Variants in PRKAR1A observed in about 807,000 individuals in gnomAD.
PRKAR1A encodes protein kinase cAMP-dependent type I regulatory subunit alpha, also known as cAMP-dependent protein kinase type I-alpha regulatory subunit.
In PRKAR1A, 3 loss-of-function variants were observed where a neutral mutation model predicts 52.0. The ratio of observed to expected loss-of-function variants is 0.06; its 90% CI spans 0.03 to 0.15. The LOEUF (loss-of-function observed/expected upper bound fraction) is 0.15, where lower values mean the gene tolerates loss of function less well. Ranked by LOEUF, PRKAR1A falls within the 10% of genes least tolerant of loss-of-function variation. PRKAR1A has a pLI of 1.00. For missense variants in PRKAR1A, 240 were observed against 477.4 expected (o/e 0.50, Z 4.63); for synonymous variants, 188 against 168.4 (o/e 1.12, Z -0.90).
At chr17:68,527,981 T>C in intron 8 of PRKAR1A, 81 bp downstream of exon 8, 1 of 1,262,318 alleles carries the variant, frequency 7.9e-7, no homozygotes, top group East Asian at 2.3e-5. Context: ...AAAAGCCTTC[T>C]GAAAGTATAA....
the PRKAR1A span, among the ~76,000 whole-genome samples, chr17:68,450,569 ACT>A: frequency 2.6e-5 from 4 of 152,050 alleles, no homozygotes; most frequent in African/African-American, 9.7e-5. Context: ...CCTGGAGTAG[ACT>A]CTGTTTACAA....
At chr17:68,420,158 A>G in the PRKAR1A span, 1 of 1,609,838 alleles carries the variant, frequency 6.2e-7, no homozygotes, top group South Asian at 1.1e-5. Context: ...TGTCAGGGTT[A>G]GCGAGGCATT....
At chr17:68,435,557 C>G in the PRKAR1A span, 62 of 1,518,766 alleles carry the variant, frequency 4.1e-5, no homozygotes, top group Middle Eastern at 6.3e-4. Context: ...CAATCCCATC[C>G]CTGCGCACGG....
the PRKAR1A span, chr17:68,457,423 G>C: frequency 6.8e-7 from 1 of 1,477,644 alleles, no homozygotes; most frequent in Non-Finnish European, 9.0e-7. Context: ...GGCCTCCATC[G>C]GGGGCTCGGC....
the PRKAR1A span, among the ~76,000 whole-genome samples, chr17:68,476,126 A>T: frequency 6.6e-6 from 1 of 151,968 alleles, no homozygotes; most frequent in Non-Finnish European, 1.5e-5. Flanking sequence ...CTACTATAAT[A>T]TAATATTTAT....
At chr17:68,450,595 C>T in the PRKAR1A span, 13 of 1,223,244 alleles carry the variant, frequency 1.1e-5, no homozygotes, top group African/African-American at 9.2e-5. Context: ...CCCCGGGACA[C>T]GGGGCCTGAG....
At chr17:68,488,734 CA>C in the PRKAR1A span, among the ~76,000 whole-genome samples, 573 of 42,818 alleles carry the variant, frequency 0.013, 1 homozygote, top group Middle Eastern at 0.033. Context: ...CATCTCAAAA[CA>C]AAAAAAAAAA....
At chr17:68,467,870 T>G in the PRKAR1A span, among the ~76,000 whole-genome samples, 4 of 152,054 alleles carry the variant, frequency 2.6e-5, no homozygotes, top group Non-Finnish European at 5.9e-5. Context: ...GCAGGGGTTG[T>G]TGTTGTTGTT....
the PRKAR1A span, chr17:68,436,363 C>T: frequency 1.2e-6 from 2 of 1,612,114 alleles, no homozygotes; most frequent in South Asian, 1.1e-5. Context: ...TTGGCTCAGC[C>T]AGGTCACCGT....
At chr17:68,449,940 G>A in the PRKAR1A span, among the ~76,000 whole-genome samples, 1 of 152,198 alleles carries the variant, frequency 6.6e-6, no homozygotes, top group Non-Finnish European at 1.5e-5. Flanking sequence ...GAGCCTGGGA[G>A]ATGGAGGCTG....
the PRKAR1A span, among the ~76,000 whole-genome samples, chr17:68,446,755 G>C: frequency 6.6e-6 from 1 of 152,178 alleles, no homozygotes; most frequent in Non-Finnish European, 1.5e-5. Flanking sequence ...CTTGACATAT[G>C]CCTCTCCTAG....
At chr17:68,435,779 C>T in the PRKAR1A span, 2 of 1,436,096 alleles carry the variant, frequency 1.4e-6, no homozygotes, top group African/African-American at 2.8e-5. Flanking sequence ...CACCTCCCTC[C>T]CCTTCCTCTT....
the PRKAR1A span, among the ~76,000 whole-genome samples, chr17:68,491,382 G>A: frequency 6.6e-6 from 1 of 152,106 alleles, no homozygotes; most frequent in Non-Finnish European, 1.5e-5. Context: ...GTGAGCCACC[G>A]CGCCCAGCCA....
chr17:68,448,275 A>G, the PRKAR1A span: 2 of 152,238 alleles, frequency 1.3e-5, no homozygotes, highest in Non-Finnish European at 2.9e-5. Flanking sequence ...GAAAGTTTTA[A>G]GAAAAGCAAA....
intron 11 of PRKAR1A, among the ~76,000 whole-genome samples, chr17:68,550,226 CTA>C (rs2086769792): frequency 6.6e-6 from 1 of 152,046 alleles, no homozygotes; most frequent in African/African-American, 2.4e-5. Context: ...ATTTCTAAAT[CTA>C]TATACTGTTT....
At chr17:68,416,705 C>T in the PRKAR1A span, among the ~76,000 whole-genome samples, 3,643 of 152,198 alleles carry the variant, frequency 0.024, 146 homozygotes, top group African/African-American at 0.083. Context: ...TGGGTTAAGT[C>T]AAAGACCTTG....
chr17:68,479,831 G>A, the PRKAR1A span, among the ~76,000 whole-genome samples: 1 of 152,196 alleles, frequency 6.6e-6, no homozygotes, highest in Non-Finnish European at 1.5e-5. Context: ...GGCTGGGAAG[G>A]CCTCAGGAAA....
At chr17:68,495,627 T>G in the PRKAR1A span, among the ~76,000 whole-genome samples, 3 of 152,232 alleles carry the variant, frequency 2.0e-5, no homozygotes, top group Non-Finnish European at 1.5e-5. Context: ...TCTCTTATTA[T>G]ACTCATTTAC....
At chr17:68,533,725 A>C (rs918428932), downstream of PRKAR1A, among the ~76,000 whole-genome samples, 1 of 152,048 alleles carries the variant, frequency 6.6e-6, no homozygotes, top group Non-Finnish European at 1.5e-5. Context: ...TTATCTGTCT[A>C]TTTGTCTATT....
Sources: gnomAD v4.1 joint callset for allele counts (sites outside exome capture counted in the v4.1 genomes callset) on GRCh38, gnomAD v4.1.1 for gene constraint, MANE v1.5 for transcripts, NCBI Gene and HGNC (gene_info 2026-07-23, HGNC 2026-07-21) for gene names.